The following ACOX1 variants were observed in gnomAD, a reference collection of about 807,000 sequenced individuals.
ACOX1 encodes the protein peroxisomal acyl-coenzyme A oxidase 1.
In ACOX1, 41 loss-of-function variants were observed where a neutral mutation model predicts 75.5. The ratio of observed to expected loss-of-function variants is 0.54; its 90% confidence interval spans 0.42 to 0.70. ACOX1 has a LOEUF of 0.70. Ranked by LOEUF, ACOX1 falls within the 30% of genes least tolerant of loss-of-function variation. The pLI is 0.00. For synonymous variants in ACOX1, 303 were observed against 298.8 expected (o/e 1.01, Z -0.15); for missense variants, 630 against 837.5 (o/e 0.75, Z 3.06).
At position 75,945,766 on chromosome 17, in the gene ACOX1, G is replaced by C. The variant is rs1460484523; in HGVS notation, c.*982C>G. ...TCCATTTTTCTAACTATAGTTTTTT[G>C]TTTTTGTTTTTTCCCAGTTGTTAAA... On this transcript the variant is annotated 3_prime_UTR_variant, in exon 14 of 14. Coordinates refer to ENST00000293217, the MANE Select transcript of ACOX1 (RefSeq NM_004035.7). 6.6e-6 allele frequency: 1 copy of C among 152,198 alleles called. No homozygotes were observed. The highest frequency in any genetic ancestry group is 2.0e-4 in the East Asian group (1 of 5,068). 9.4% of individuals were successfully genotyped at this position (152,198 alleles called of 1,614,324 possible).
chr17:75,955,961 G>T lies in ACOX1; in HGVS notation c.539-14C>A. On this transcript the variant is annotated splice_polypyrimidine_tract_variant and intron_variant, in intron 4 of 13. Coordinates refer to ENST00000293217, the MANE Select transcript of ACOX1 (RefSeq NM_004035.7). Reference sequence around the variant, plus strand: ...AAGTCTTTCCAACTGTAATATCAAAGAGAACAAGGGAGGGGTGGGCAAACG... The same window carrying T: ...AAGTCTTTCCAACTGTAATATCAAATAGAACAAGGGAGGGGTGGGCAAACG... 6.2e-7 allele frequency: 1 copy of T among 1,611,586 alleles called. No homozygotes were observed. The highest frequency in any genetic ancestry group is 8.5e-7 in the Non-Finnish European group (1 of 1,178,444).
At chr17:75,956,347 G>A (rs2065823525) in intron 4 of ACOX1, among the ~76,000 whole-genome samples, 3 of 151,968 alleles carry the variant, frequency 2.0e-5, no homozygotes, top group Admixed American at 2.0e-4. Flanking sequence ...TAACTGTATT[G>A]GAAATATATA....
intron 4 of ACOX1, among the ~76,000 whole-genome samples, chr17:75,956,928 T>C (rs1234716395): frequency 1.6e-4 from 5 of 31,062 alleles, no homozygotes; most frequent in African/African-American, 2.7e-4. Flanking sequence ...TCTCTCTCTC[T>C]CTCTCTCTCT....
Position 75,960,199 on chromosome 17 carries a change from A to T in ACOX1, c.430+16T>A. On this transcript the variant is annotated intron_variant, in intron 3 of 13. Coordinates refer to ENST00000293217, the MANE Select transcript of ACOX1 (RefSeq NM_004035.7). The surrounding 1 kb of genome is among the most constrained non-coding windows in gnomAD (Gnocchi z 4.4). ...GGGGCCCGCCCAACCCAGAAGGTAG[A>T]CTGAATACTCCATACCATGACCCAT... 1.2e-6 allele frequency: 2 copies of T among 1,613,952 alleles called. No individual in the cohort carries two copies. Among genetic ancestry groups the T allele is most frequent in the Non-Finnish European group, 1.7e-6 (2 of 1,179,890 alleles).
intron 2 of ACOX1, among the ~76,000 whole-genome samples, chr17:75,970,670 C>T (rs925568121): frequency 6.6e-6 from 1 of 152,220 alleles, no homozygotes; most frequent in Non-Finnish European, 1.5e-5. Flanking sequence ...CCCAAAGTTA[C>T]AGCTACTTCT....
intron 7 of ACOX1, 140 bp downstream of exon 7, chr17:75,953,311 G>T: frequency 1.1e-6 from 1 of 888,386 alleles, no homozygotes. Flanking sequence ...GCCTAGATAT[G>T]AAATTACAGG....
chr17:75,975,945 A>AAAAG (rs148266807), intron 2 of ACOX1, among the ~76,000 whole-genome samples: 149 of 143,030 alleles, frequency 1.0e-3, no homozygotes, highest in African/African-American at 3.4e-3. Flanking sequence ...GAAAGAAAAG[A>AAAAG]AAAGAAAGAA....
chr17:75,965,194 C>T (rs1192551544), intron 2 of ACOX1, among the ~76,000 whole-genome samples: 24 of 151,660 alleles, frequency 1.6e-4, no homozygotes, highest in African/African-American at 4.8e-4. Context: ...GAAAATTAGC[C>T]GGGTGTGGTG....
Position 75,950,040 on chromosome 17 carries a change from A to G in ACOX1, c.1299-143T>C. On this transcript the variant is annotated intron_variant, in intron 9 of 13. Transcript: ENST00000293217. This position sits in a 1 kb window ranked among gnomAD's most constrained non-coding sequence, Gnocchi z 4.3. The stretch of plus-strand genomic sequence containing the variant: ...CTGCAACCTCCTCCTCTTGGGTTCA[A>G]ATGAATGATTCTCCTGCCTCAGCCT... 8 of 879,024 alleles carry G rather than the reference A, an allele frequency of 9.1e-6. 1 individual carries two copies. In the South Asian group the frequency reaches 1.1e-4, roughly 13 times the overall value. 54.5% of individuals were successfully genotyped at this position (879,024 alleles called of 1,614,324 possible). A position where few individuals can be genotyped will look rare whatever the true frequency, so the allele number is the denominator to read the frequency against.
chr17:75,961,622 A>G (rs2065889190), intron 2 of ACOX1, among the ~76,000 whole-genome samples: 1 of 151,818 alleles, frequency 6.6e-6, no homozygotes, highest in South Asian at 2.1e-4. Flanking sequence ...ATACAAAATC[A>G]GCCAGGTGTG....
rs1414751019 is a variant in ACOX1, at chr17:75,941,553, A to G, written c.*5195T>C. On this transcript the variant is annotated 3_prime_UTR_variant, in exon 14 of 14. Coordinates refer to ENST00000293217, the MANE Select transcript of ACOX1 (RefSeq NM_004035.7). Reference sequence around the variant, plus strand: ...TATGAATTTTATTAAGGTTTATTCAATGTCACAGAGGAAAGAACGGTTTGT... The same window carrying G: ...TATGAATTTTATTAAGGTTTATTCAGTGTCACAGAGGAAAGAACGGTTTGT... The G allele has an allele frequency of 2.6e-5, 4 of 152,376 alleles. No individual in the cohort carries two copies. Among genetic ancestry groups the G allele is most frequent in the East Asian group, 1.9e-4 (1 of 5,186 alleles). The allele number at this position is 152,376 out of a possible 1,614,324, so 9.4% of individuals were successfully genotyped here.
At chr17:75,970,293 A>G (rs954501805) in intron 2 of ACOX1, among the ~76,000 whole-genome samples, 2 of 152,112 alleles carry the variant, frequency 1.3e-5, no homozygotes, top group Non-Finnish European at 2.9e-5. Flanking sequence ...AAATGATTAC[A>G]TATCTGTGAA....
chr17:75,946,822 A>T, intron 13 of ACOX1, 27 bp from the exon 14 acceptor site: 1 of 1,607,226 alleles, frequency 6.2e-7, no homozygotes. Context: ...GAGAAGAACT[A>T]CTAATAAAGA....
Position 75,944,067 on chromosome 17 carries a change from C to T in ACOX1, c.*2681G>A, listed in dbSNP as rs1193189387. 1 of 151,996 alleles carries T rather than the reference C, an allele frequency of 6.6e-6. No individual in the cohort carries two copies. Among genetic ancestry groups the T allele is most frequent in the African/African-American group, 2.4e-5 (1 of 41,354 alleles). 9.4% of individuals were successfully genotyped at this position (151,996 alleles called of 1,614,324 possible). On this transcript the variant is annotated 3_prime_UTR_variant, in exon 14 of 14. Transcript: ENST00000293217. ...GCAACATGGCAAAACCCCGTCTCTACAGAAAAAATAGAACAAATTAGCTGG... is the reference window on the plus strand; with the variant it reads ...GCAACATGGCAAAACCCCGTCTCTATAGAAAAAATAGAACAAATTAGCTGG...
In ACOX1 at chr17:75,950,068, C is replaced by T. The variant is rs1359278166; in HGVS notation, c.1299-171G>A. 2.0e-5 allele frequency among the ~76,000 whole-genome samples: 3 copies of T among 152,098 alleles called. No individual in the cohort carries two copies. The highest frequency in any genetic ancestry group is 4.4e-5 in the Non-Finnish European group (3 of 68,014). Reference sequence around the variant, plus strand: ...GAATGATTCTCCTGCCTCAGCCTCCCAAGTAGCTGGGACTACAGGCACCTG... The same window carrying T: ...GAATGATTCTCCTGCCTCAGCCTCCTAAGTAGCTGGGACTACAGGCACCTG... On this transcript the variant is annotated intron_variant, in intron 9 of 13. Transcript: ENST00000293217. This position sits in a 1 kb window ranked among gnomAD's most constrained non-coding sequence, Gnocchi z 4.3.
intron 2 of ACOX1, among the ~76,000 whole-genome samples, chr17:75,968,517 A>G (rs2065962068): frequency 6.7e-6 from 1 of 148,584 alleles, no homozygotes; most frequent in South Asian, 2.1e-4. Context: ...GAGGCAGGAG[A>G]ATAGCGTGAA....
At chr17:75,968,435 C>CAAAAAAAAAAAAAAAAA (rs55909021) in intron 2 of ACOX1, among the ~76,000 whole-genome samples, 14 of 20,998 alleles carry the variant, frequency 6.7e-4, no homozygotes, top group African/African-American at 3.4e-3. Flanking sequence ...GACTCCGTCT[C>CAAAAAAAAAAAAAAAAA]AAAAAAAAAA....
chr17:75,956,160 T>G (rs577528200), intron 4 of ACOX1, among the ~76,000 whole-genome samples: 1 of 152,214 alleles, frequency 6.6e-6, no homozygotes, highest in Non-Finnish European at 1.5e-5. Context: ...TTATTTCTCA[T>G]ACATTTACGT....
rs190226066 is a variant in ACOX1, at chr17:75,948,434, C to A, written c.1752G>T (p.Gln584His). 4.3e-6 allele frequency: 7 copies of A among 1,614,124 alleles called. No individual in the cohort carries two copies. Among genetic ancestry groups the A allele is most frequent in the Admixed American group, 1.7e-5 (1 of 60,018 alleles). ...FLQGSIMTEP[Q>H]ITQVNQRVKE... is the part of the protein sequence containing the mutation. ...TTACACGCTGGTTTACTTGTGTAAT[C>A]TGAGGCTCTGTCATGATGCTCCCCT... The change falls in exon 13 of 14, where the codon CAG becomes CAT. Residue 584 changes from glutamine to histidine, a missense_variant. Around this residue, in one of 2 missense-constraint regions of ACOX1, gnomAD observed 240 missense variants for 262.7 expected, o/e 0.91. Transcript: ENST00000293217.
Sources: gnomAD v4.1 joint callset for allele counts (sites outside exome capture counted in the v4.1 genomes callset) on GRCh38, gnomAD v4.1.1 for gene constraint, gnomAD v4.1.1 regional missense constraint, Gnocchi (gnomAD v3.1) non-coding constraint, MANE v1.5 for transcripts, NCBI Gene and HGNC (gene_info 2026-07-23, HGNC 2026-07-21) for gene names.